The following ZNF536 variants were observed in gnomAD, a reference collection of about 807,000 sequenced individuals.
The protein encoded by ZNF536 is zinc finger protein 536.
ZNF536 carries 13 observed loss-of-function variants against 84.5 expected under a neutral mutation model. The observed-to-expected ratio is 0.15, with a 90% CI of 0.10 to 0.24. The LOEUF is 0.24. ZNF536 is among the 10% of genes least tolerant of loss of function. ZNF536 has a pLI of 1.00. For synonymous variants in ZNF536, 811 were observed against 742.5 expected (o/e 1.09, Z -1.50); for missense variants, 1,536 against 1,747.5 (o/e 0.88, Z 2.16).
Position 30,315,830 on chromosome 19 carries a change from A to G in ZNF536, c.-120+31689A>G, listed in dbSNP as rs1256799975. Reference sequence around the variant, plus strand: ...TATTCACAAAAAGAAAATCATGCATATGTATTTTACATAAAATTGACATTG... The same window carrying G: ...TATTCACAAAAAGAAAATCATGCATGTGTATTTTACATAAAATTGACATTG... On this transcript the variant is annotated intron_variant, in intron 2 of 5. Coordinates refer to the ZNF536 transcript ENST00000585628. 4.6e-5 allele frequency among the ~76,000 whole-genome samples: 7 copies of G among 152,206 alleles called. No homozygotes were observed. The South Asian group carries it at 1.2e-3, about 27-fold the overall frequency.
upstream of ZNF536, among the ~76,000 whole-genome samples, chr19:30,370,966 C>T (rs979408502): frequency 4.6e-5 from 7 of 152,198 alleles, no homozygotes; most frequent in Admixed American, 2.6e-4. Context: ...TAAAAAATCA[C>T]GTTCATTTCA....
At chr19:30,619,945 C>T (rs553084241) in intron 1 of ZNF536, among the ~76,000 whole-genome samples, 1 of 151,974 alleles carries the variant, frequency 6.6e-6, no homozygotes, top group South Asian at 2.1e-4. Context: ...GGCTATTCTG[C>T]TTTCACGAGC....
In ZNF536 at chr19:30,548,808, G is replaced by C. The variant is rs147582952; in HGVS notation, c.3189G>C (p.Leu1063=). Residue 1063 remains leucine, a synonymous_variant, in exon 4 of 5, where the codon CTG becomes CTC. Coordinates refer to ENST00000355537, the MANE Select transcript of ZNF536 (RefSeq NM_014717.3). ...LLPSLQSNKD[L]GLSNMISSLD... Reference sequence around the variant, plus strand: ...CCTCGTTACAATCAAACAAAGACCTGGGCCTCTCCAATATGATCAGCTCTC... The same window carrying C: ...CCTCGTTACAATCAAACAAAGACCTCGGCCTCTCCAATATGATCAGCTCTC... 56 of 1,613,816 alleles carry C rather than the reference G, an allele frequency of 3.5e-5. No homozygotes were observed. The African/African-American group carries it at 6.7e-4, about 19-fold the overall frequency.
intron 2 of ZNF536, among the ~76,000 whole-genome samples, chr19:30,516,843 T>C (rs1442041805): frequency 1.3e-5 from 2 of 152,162 alleles, no homozygotes; most frequent in Non-Finnish European, 2.9e-5. Context: ...CGAGGCTTCG[T>C]GAAGTGGTGA....
At chr19:30,424,951 A>G (rs2051147581) in intron 1 of ZNF536, among the ~76,000 whole-genome samples, 1 of 152,264 alleles carries the variant, frequency 6.6e-6, no homozygotes, top group South Asian at 2.1e-4. Context: ...AAGCCAACGT[A>G]TGGCTCAGGA....
intron 2 of ZNF536, among the ~76,000 whole-genome samples, chr19:30,503,016 A>C (rs2055012506): frequency 6.6e-6 from 1 of 152,372 alleles, no homozygotes; most frequent in African/African-American, 2.4e-5. Context: ...AGAAATTCTA[A>C]GAGTAAAGGT....
At chr19:30,493,971 T>G (rs1302991977) in intron 2 of ZNF536, among the ~76,000 whole-genome samples, 2 of 152,126 alleles carry the variant, frequency 1.3e-5, no homozygotes, top group African/African-American at 4.8e-5. Flanking sequence ...GCAGGGTGGC[T>G]ACTAAAATAA....
chr19:30,519,346 GC>G (rs2044224050), intron 2 of ZNF536, among the ~76,000 whole-genome samples: 1 of 152,234 alleles, frequency 6.6e-6, no homozygotes, highest in Non-Finnish European at 1.5e-5. Context: ...GGGACTGGAA[GC>G]TTTGCACAGC....
chr19:30,664,261 T>TCTCTCTCC (rs2050239037), intron 1 of ZNF536, among the ~76,000 whole-genome samples: 1 of 115,232 alleles, frequency 8.7e-6, no homozygotes, highest in African/African-American at 3.0e-5. Context: ...TCTCTCTCTC[T>TCTCTCTCC]CCCTCTCCCT....
chr19:30,272,983 G>A (rs1279268518), intron 1 of ZNF536, among the ~76,000 whole-genome samples: 1 of 152,114 alleles, frequency 6.6e-6, no homozygotes, highest in Non-Finnish European at 1.5e-5. Flanking sequence ...CACAATCATA[G>A]CTCACTTCAG....
chr19:30,230,133 AG>A (rs2022923455), intron 1 of ZNF536, among the ~76,000 whole-genome samples: 1 of 152,344 alleles, frequency 6.6e-6, no homozygotes, highest in Middle Eastern at 3.4e-3. Flanking sequence ...TATCACTGCA[AG>A]TCAGCCGGAT....
intron 1 of ZNF536, among the ~76,000 whole-genome samples, chr19:30,592,597 T>C (rs1446231175): frequency 6.6e-6 from 1 of 152,192 alleles, no homozygotes; most frequent in Non-Finnish European, 1.5e-5. Flanking sequence ...GGTCACAGTT[T>C]ATACACCATT....
At chr19:30,295,677 C>T (rs1313652901) in intron 2 of ZNF536, among the ~76,000 whole-genome samples, 1 of 152,178 alleles carries the variant, frequency 6.6e-6, no homozygotes, top group Non-Finnish European at 1.5e-5. Context: ...CCTCTGGGGT[C>T]ATTCCGTGCA....
At chr19:30,684,696 C>A (rs996622423) in intron 1 of ZNF536, among the ~76,000 whole-genome samples, 1 of 152,158 alleles carries the variant, frequency 6.6e-6, no homozygotes, top group Non-Finnish European at 1.5e-5. Flanking sequence ...TTCGGTCATT[C>A]TGTGTTAGAG....
chr19:30,573,137 C>A (rs780041038), intron 1 of ZNF536, among the ~76,000 whole-genome samples: 35 of 152,106 alleles, frequency 2.3e-4, no homozygotes, highest in Non-Finnish European at 2.9e-5. Flanking sequence ...ACCCAGAGAT[C>A]CCTGTGTAAG....
intron 1 of ZNF536, among the ~76,000 whole-genome samples, chr19:30,596,368 G>A (rs553111883): frequency 8.0e-4 from 122 of 152,292 alleles, no homozygotes; most frequent in African/African-American, 2.6e-3. Flanking sequence ...TGTATGTATC[G>A]TGGCTTTTAA....
intron 2 of ZNF536, among the ~76,000 whole-genome samples, chr19:30,313,874 G>A (rs767612051): frequency 2.0e-5 from 3 of 152,232 alleles, no homozygotes; most frequent in Non-Finnish European, 2.9e-5. Flanking sequence ...CCTGGGCTCC[G>A]AGAATAGATG....
intron 1 of ZNF536, among the ~76,000 whole-genome samples, chr19:30,579,903 A>T (rs535683217): frequency 2.0e-5 from 3 of 152,296 alleles, no homozygotes; most frequent in Admixed American, 2.0e-4. Context: ...CATTCTTCCC[A>T]CAAGGAAAAC....
chr19:30,358,607 T>C (rs545232065), intron 3 of ZNF536, among the ~76,000 whole-genome samples: 9 of 152,370 alleles, frequency 5.9e-5, no homozygotes, highest in African/African-American at 2.2e-4. Flanking sequence ...GCAAACCAAA[T>C]ATATGACAAA....
Sources: gnomAD v4.1 joint callset for allele counts (sites outside exome capture counted in the v4.1 genomes callset) on GRCh38, gnomAD v4.1.1 for gene constraint, MANE v1.5 for transcripts, NCBI Gene and HGNC (gene_info 2026-07-23, HGNC 2026-07-21) for gene names.